The following LARGE1 variants were observed in gnomAD, a reference collection of about 807,000 sequenced individuals.
LARGE1 encodes xylosyl- and glucuronyltransferase LARGE1.
LARGE1 carries 43 observed loss-of-function variants against 87.6 expected under a neutral mutation model. The observed-to-expected ratio is 0.49, with a 90% CI of 0.38 to 0.63. The LOEUF (loss-of-function observed/expected upper bound fraction) is 0.63, where lower values mean the gene tolerates loss of function less well. Ranked by LOEUF, LARGE1 falls within the 30% of genes least tolerant of loss-of-function variation. The pLI, the probability that LARGE1 is intolerant of heterozygous loss-of-function variation, is 0.00. For synonymous variants in LARGE1, 434 were observed against 394.6 expected (o/e 1.10, Z -1.18); for missense variants, 802 against 1,000.2 (o/e 0.80, Z 2.67).
intron 5 of LARGE1, among the ~76,000 whole-genome samples, chr22:33,592,146 A>C (rs1209942117): frequency 6.6e-6 from 1 of 151,548 alleles, no homozygotes; most frequent in African/African-American, 2.4e-5. Flanking sequence ...TCTTTGCCCA[A>C]CTTGAAGTCC....
intron 7 of LARGE1, among the ~76,000 whole-genome samples, chr22:33,390,862 G>A (rs2065493314): frequency 6.6e-6 from 1 of 151,872 alleles, no homozygotes; most frequent in Non-Finnish European, 1.5e-5. Context: ...CCTGGCTAAT[G>A]TTTTTTGTAT....
At chr22:33,068,735 T>C in the LARGE1 span, among the ~76,000 whole-genome samples, 2 of 152,228 alleles carry the variant, frequency 1.3e-5, no homozygotes, top group Non-Finnish European at 2.9e-5. Flanking sequence ...AGTGACTATC[T>C]CTGCTCATTC....
intron 1 of LARGE1, among the ~76,000 whole-genome samples, chr22:33,910,344 G>C (rs2065595674): frequency 6.6e-6 from 1 of 152,198 alleles, no homozygotes. Context: ...AAGAATTAAA[G>C]TATGTAGATA....
At chr22:33,456,370 C>T (rs2068131300) in intron 6 of LARGE1, among the ~76,000 whole-genome samples, 1 of 152,098 alleles carries the variant, frequency 6.6e-6, no homozygotes, top group African/African-American at 2.4e-5. Context: ...TCAATACTCC[C>T]CAATTTTGGG....
At chr22:33,566,486 T>C (rs2078029371) in intron 5 of LARGE1, among the ~76,000 whole-genome samples, 1 of 151,938 alleles carries the variant, frequency 6.6e-6, no homozygotes, top group Admixed American at 6.6e-5. Flanking sequence ...TTCCGGGGGG[T>C]TCTTGGTCTC....
At chr22:33,408,371 G>GA (rs1460131569) in intron 7 of LARGE1, among the ~76,000 whole-genome samples, 2 of 152,200 alleles carry the variant, frequency 1.3e-5, no homozygotes, top group African/African-American at 4.8e-5. Context: ...CAATGATAAG[G>GA]ATGACACTGG....
Position 33,284,647 on chromosome 22 carries a change from G to T in LARGE1, c.1731-1299C>A, listed in dbSNP as rs992275392. Among the ~76,000 whole-genome samples, 4 of 151,770 alleles carry T rather than the reference G, an allele frequency of 2.6e-5. No individual in the cohort carries two copies. The East Asian group carries it at 5.8e-4, about 22-fold the overall frequency. ...GGCTGGAGTGCAGTGGTGCAATCTT[G>T]GCTCACGGCAACCTCAGCCTCCCGG... On this transcript the variant is annotated intron_variant, in intron 12 of 14. Transcript: ENST00000397394.
intron 1 of LARGE1, among the ~76,000 whole-genome samples, chr22:33,905,113 T>C (rs1258209257): frequency 6.8e-6 from 1 of 146,526 alleles, no homozygotes; most frequent in Admixed American, 7.0e-5. Flanking sequence ...TCACCCAGAC[T>C]GGAGTGCAAT....
chr22:33,485,728 C>A (rs1197398786), intron 6 of LARGE1, among the ~76,000 whole-genome samples: 1 of 152,068 alleles, frequency 6.6e-6, no homozygotes, highest in Non-Finnish European at 1.5e-5. Context: ...AGTTCCAATG[C>A]CACATTATCC....
Position 33,920,195 on chromosome 22 carries a change from G to A in LARGE1, c.-283C>T, listed in dbSNP as rs2065905567. 1 of 152,710 alleles carries A rather than the reference G, an allele frequency of 6.5e-6. No individual in the cohort carries two copies. The highest frequency in any genetic ancestry group is 1.5e-5 in the Non-Finnish European group (1 of 68,584). The allele number at this position is 152,710 out of a possible 1,614,324, so 9.5% of individuals were successfully genotyped here. A position where few individuals can be genotyped will look rare whatever the true frequency, so the allele number is the denominator to read the frequency against. On this transcript the variant is annotated 5_prime_UTR_variant, in exon 1 of 15. Transcript: ENST00000397394. ...CGAGGGTCCGGGTCCCCCAAGCTGA[G>A]CACTGTCCCTTCTTCCTCTTCCTCC...
chr22:33,553,499 C>A (rs778771826), intron 6 of LARGE1, among the ~76,000 whole-genome samples: 1 of 152,100 alleles, frequency 6.6e-6, no homozygotes, highest in Non-Finnish European at 1.5e-5. Context: ...CTGGGTGACA[C>A]AACAAGACCC....
intron 11 of LARGE1, among the ~76,000 whole-genome samples, chr22:33,264,889 C>CTTTTTTTTTTTT (rs200074908): frequency 2.7e-5 from 2 of 74,374 alleles, no homozygotes; most frequent in Non-Finnish European, 4.6e-5. Flanking sequence ...TGATCAAATT[C>CTTTTTTTTTTTT]TTTTTTTTTT....
downstream of LARGE1, among the ~76,000 whole-genome samples, chr22:33,157,490 G>C (rs1921908768): frequency 6.6e-6 from 1 of 152,090 alleles, no homozygotes; most frequent in Non-Finnish European, 1.5e-5. Context: ...TCCCTTCCTT[G>C]TATTATTTAC....
intron 11 of LARGE1, among the ~76,000 whole-genome samples, chr22:33,255,316 T>C (rs565007566): frequency 6.6e-6 from 1 of 152,222 alleles, no homozygotes; most frequent in African/African-American, 2.4e-5. Flanking sequence ...CTTTCTCATA[T>C]AGCAGGAAAG....
chr22:33,456,346 C>T (rs962841927), intron 6 of LARGE1, among the ~76,000 whole-genome samples: 1 of 152,192 alleles, frequency 6.6e-6, no homozygotes, highest in East Asian at 1.9e-4. Flanking sequence ...CTCTGACCTA[C>T]CGTATTTGCT....
intron 13 of LARGE1, among the ~76,000 whole-genome samples, chr22:33,280,315 CAAAAAAAAA>C (rs58680121): frequency 1.5e-5 from 1 of 67,438 alleles, no homozygotes; most frequent in Non-Finnish European, 3.4e-5. Context: ...GGTAACTCCT[CAAAAAAAAA>C]AAAAAAAAAA....
At chr22:33,662,115 A>G (rs1055628663) in intron 2 of LARGE1, among the ~76,000 whole-genome samples, 1 of 149,140 alleles carries the variant, frequency 6.7e-6, no homozygotes, top group Non-Finnish European at 1.5e-5. Context: ...AGAATCTCAT[A>G]GTGTTTTCAA....
chr22:33,300,453 C>G (rs1344021059), intron 12 of LARGE1, among the ~76,000 whole-genome samples: 1 of 152,194 alleles, frequency 6.6e-6, no homozygotes, highest in Non-Finnish European at 1.5e-5. Context: ...ATGGCTCACT[C>G]TAGCTTCAGC....
At chr22:33,771,612 C>T (rs1185812764) in intron 1 of LARGE1, among the ~76,000 whole-genome samples, 1 of 152,122 alleles carries the variant, frequency 6.6e-6, no homozygotes, top group Non-Finnish European at 1.5e-5. Context: ...GGTGAAAACC[C>T]CCATGCCAAC....
Sources: gnomAD v4.1 joint callset for allele counts (sites outside exome capture counted in the v4.1 genomes callset) on GRCh38, gnomAD v4.1.1 for gene constraint, MANE v1.5 for transcripts, NCBI Gene and HGNC (gene_info 2026-07-23, HGNC 2026-07-21) for gene names.